Variants in FAT2 observed in about 807,000 individuals in gnomAD.
FAT2 encodes protocadherin Fat 2.
Under a neutral mutation model 295.3 loss-of-function variants are expected in FAT2, and 150 were observed. The ratio of observed to expected loss-of-function variants is 0.51; its 90% CI spans 0.44 to 0.58. The LOEUF is 0.58. FAT2 is among the 20% of genes least tolerant of loss of function. The pLI is 0.00. For synonymous variants in FAT2, 2,026 were observed against 2,150.3 expected (o/e 0.94, Z 1.60); for missense variants, 4,868 against 5,442.7 (o/e 0.89, Z 3.32).
intron 13 of FAT2, 80 bp from the exon 14 acceptor site, chr5:151,532,050 G>T: frequency 6.4e-7 from 1 of 1,550,642 alleles, no homozygotes; most frequent in South Asian, 1.2e-5. Flanking sequence ...GCAGCCACAG[G>T]AGGGGCTGGG....
At chr5:151,509,758 G>A (rs1173609795) in intron 22 of FAT2, 4 of 384,134 alleles carry the variant, frequency 1.0e-5, no homozygotes, top group Non-Finnish European at 1.9e-5. Flanking sequence ...TAGAAATAAA[G>A]TGTGCAATAA....
chr5:151,529,548 C>T (rs1267189350), intron 14 of FAT2, among the ~76,000 whole-genome samples, 156 bp from the exon 15 acceptor site: 2 of 151,618 alleles, frequency 1.3e-5, no homozygotes, highest in African/African-American at 4.8e-5. Flanking sequence ...TTTGCTATCC[C>T]CTTGACCCCC....
intron 1 of FAT2, among the ~76,000 whole-genome samples, chr5:151,585,378 A>G (rs2127663287): frequency 6.6e-6 from 1 of 152,344 alleles, no homozygotes; most frequent in Non-Finnish European, 1.5e-5. Context: ...TTGGGAGGCC[A>G]AGGCAGGTTG....
At position 151,544,614 on chromosome 5, in the gene FAT2, A is replaced by G; in HGVS notation, c.6513T>C (p.Phe2171=). 6.2e-7 allele frequency: 1 copy of G among 1,614,136 alleles called. No individual in the cohort carries two copies. Among genetic ancestry groups the G allele is most frequent in the African/African-American group, 1.3e-5 (1 of 75,030 alleles). The change falls in exon 10 of 24, where the codon TTT becomes TTC. Residue 2171 remains phenylalanine, a synonymous_variant. Transcript: ENST00000261800. The part of the protein sequence containing the change: ...VTVRNKSNPL[F]QSPYYKVRVP... ...CTCTGACTTTGTAATAAGGACTCTG[A>G]AACAGTGGGTTGGATTTATTTCTCA...
chr5:151,592,861 G>T (rs1759466127), upstream of FAT2, among the ~76,000 whole-genome samples: 1 of 152,180 alleles, frequency 6.6e-6, no homozygotes, highest in South Asian at 2.1e-4. Context: ...TGGTCTTGTT[G>T]CTTATACAGG....
At position 151,527,245 on chromosome 5, in the gene FAT2, T is replaced by C; in HGVS notation, c.10297A>G (p.Thr3433Ala). The change falls in exon 17 of 24, where the codon ACC becomes GCC. Residue 3433 changes from threonine (T) to alanine (A), a missense_variant. This residue lies in a region of FAT2 where 1,046 missense variants were observed against 1,210.1 expected (regional missense o/e 0.86). Coordinates refer to ENST00000261800, the MANE Select transcript of FAT2 (RefSeq NM_001447.3). ...PPRFFQLNYS[T>A]TVQENSPIGS... ...AGGCTCAAGCTTACCTGGACAGTGG[T>C]GCTGTAGTTGAGCTGGAAGAATCTC... 6.2e-7 allele frequency: 1 copy of C among 1,610,354 alleles called. No homozygotes were observed. The highest frequency in any genetic ancestry group is 8.5e-7 in the Non-Finnish European group (1 of 1,177,804).
At chr5:151,527,205 C>T (rs1754105835) in intron 17 of FAT2, 29 bp downstream of exon 17, 1 of 1,577,756 alleles carries the variant, frequency 6.3e-7, no homozygotes. Context: ...GGAGGAAGGG[C>T]TCAGGGTGCC....
intron 1 of FAT2, among the ~76,000 whole-genome samples, chr5:151,578,252 G>A (rs953093520): frequency 1.3e-5 from 2 of 152,194 alleles, no homozygotes; most frequent in Admixed American, 6.5e-5. Flanking sequence ...GCCTCGTTTT[G>A]TGGGGTTGCT....
At position 151,525,870 on chromosome 5, in the gene FAT2, C is replaced by T. The variant is rs145842912; in HGVS notation, c.10404G>A (p.Lys3468=). The change falls in exon 18 of 24, where the codon AAG becomes AAA. Residue 3468 remains lysine (K), a synonymous_variant. Transcript: ENST00000261800. ...NGPPYSFRIT[K]GNNGSAFRVT... Reference sequence around the variant, plus strand: ...CTCGGAAGGCAGAGCCGTTGTTCCCCTTGGTGATTCGAAACGAGTAGGGGG... The same window carrying T: ...CTCGGAAGGCAGAGCCGTTGTTCCCTTTGGTGATTCGAAACGAGTAGGGGG... The T allele has an allele frequency of 1.2e-6, 2 of 1,614,102 alleles. No homozygotes were observed. The highest frequency in any genetic ancestry group is 1.7e-6 in the Non-Finnish European group (2 of 1,179,986).
In FAT2 at chr5:151,521,642, G is replaced by A. The variant is rs1006488938; in HGVS notation, c.10951C>T (p.Leu3651=). Residue 3651 remains leucine (L), a synonymous_variant, in exon 19 of 24, where the codon CTG becomes TTG. Transcript: ENST00000261800. Reference sequence around the variant, plus strand: ...AGCTTATGGCTGAGGAACCTCTGCAGGTTCCGCCAGTGGTCACTCACCAGC... The same window carrying A: ...AGCTTATGGCTGAGGAACCTCTGCAAGTTCCGCCAGTGGTCACTCACCAGC... ...EELVSDHWRN[L]QRFLSHKLDI... The A allele has an allele frequency of 1.2e-5, 19 of 1,613,986 alleles. No individual in the cohort carries two copies. The highest frequency in any genetic ancestry group is 1.4e-5 in the Non-Finnish European group (16 of 1,180,040).
At chr5:151,584,598 A>G (rs1400568256) in intron 1 of FAT2, among the ~76,000 whole-genome samples, 1 of 152,204 alleles carries the variant, frequency 6.6e-6, no homozygotes, top group Non-Finnish European at 1.5e-5. Flanking sequence ...CCAGTATAAT[A>G]GTAACGTTGA....
chr5:151,593,207 A>G (rs1266024534), upstream of FAT2, among the ~76,000 whole-genome samples: 1 of 152,202 alleles, frequency 6.6e-6, no homozygotes, highest in Non-Finnish European at 1.5e-5. Context: ...CAAGCCTCCA[A>G]GTTTGGTCCG....
chr5:151,581,907 T>TCCAGTCTTCCCTCTCATTC lies in FAT2; in HGVS notation c.-21+9239_-21+9257dup, dbSNP rs1298158471. Among the ~76,000 whole-genome samples, 8 of 152,362 alleles carry TCCAGTCTTCCCTCTCATTC rather than the reference T, an allele frequency of 5.3e-5. No homozygotes were observed. In the East Asian group the frequency reaches 1.5e-3, roughly 29 times the overall value. ...ACAGATTCTCAGCATAGGTTTCATT[T>TCCAGTCTTCCCTCTCATTC]CCAGTCTTCCCTCTCATTCCCATTT... On this transcript the variant is annotated intron_variant, in intron 1 of 23. Coordinates refer to ENST00000261800, the MANE Select transcript of FAT2 (RefSeq NM_001447.3).
At chr5:151,550,462 A>G in intron 8 of FAT2, 128 bp downstream of exon 8, 1 of 1,089,638 alleles carries the variant, frequency 9.2e-7, no homozygotes. Context: ...CAGCTGTGAA[A>G]TGTCACAACT....
chr5:151,566,955 C>A lies in FAT2; in HGVS notation c.1977G>T (p.Val659=), dbSNP rs753236204. The A allele has an allele frequency of 3.1e-6, 5 of 1,614,106 alleles. No individual in the cohort carries two copies. Among genetic ancestry groups the A allele is most frequent in the Non-Finnish European group, 3.4e-6 (4 of 1,179,982 alleles). ...ASPTTLNITV[V]KDPHFEVPVT... ...CAGGAACTTCAAAATGAGGGTCCTTCACCACAGTAATATTCAAAGTTGTGG... is the reference window on the plus strand; with the variant it reads ...CAGGAACTTCAAAATGAGGGTCCTTAACCACAGTAATATTCAAAGTTGTGG... Residue 659 remains valine (V), a synonymous_variant, in exon 2 of 24, where the codon GTG becomes GTT. Transcript: ENST00000261800.
At chr5:151,522,227 GAA>G (rs5872209) in intron 18 of FAT2, 141 bp from the exon 19 acceptor site, 1 of 498,424 alleles carries the variant, frequency 2.0e-6, no homozygotes, top group Non-Finnish European at 3.4e-6. Flanking sequence ...GTTGCATTTA[GAA>G]AAAAAAAACC....
At position 151,545,382 on chromosome 5, in the gene FAT2, AG is replaced by A; in HGVS notation, c.5744del (p.Ala1915ValfsTer14). On this transcript the variant is annotated frameshift_variant, in exon 10 of 24. Transcript: ENST00000261800. LOFTEE classifies it high-confidence loss of function. Reference sequence around the variant, plus strand: ...TACCAGTGACAGGATGGATGGTAACAGCTTCATCAGCATTGCCAGTTTTGAT... The same window carrying A: ...TACCAGTGACAGGATGGATGGTAACACTTCATCAGCATTGCCAGTTTTGAT... ...YSIKTGNADE[A>X]VTIHPVTGSI... The A allele has an allele frequency of 6.2e-7, 1 of 1,614,218 alleles. No individual in the cohort carries two copies. The highest frequency in any genetic ancestry group is 8.5e-7 in the Non-Finnish European group (1 of 1,180,038).
chr5:151,505,673 C>A lies in FAT2; in HGVS notation c.12942G>T (p.Val4314=), dbSNP rs1760782388. 1 of 1,614,008 alleles carries A rather than the reference C, an allele frequency of 6.2e-7. No individual in the cohort carries two copies. Among genetic ancestry groups the A allele is most frequent in the East Asian group, 2.2e-5 (1 of 44,878 alleles). Residue 4314 remains valine, a synonymous_variant, in exon 24 of 24, where the codon GTG becomes GTT. Coordinates refer to ENST00000261800, the MANE Select transcript of FAT2 (RefSeq NM_001447.3). ...RAGPSYAVCE[V]EGAPLAGQGQ... is the part of the protein sequence containing the mutation. ...CCTGGCCTGCAAGAGGTGCCCCCTC[C>A]ACCTCACAGACAGCATAAGAGGGCC...
chr5:151,524,197 T>G (rs1321116782), intron 18 of FAT2, among the ~76,000 whole-genome samples: 2 of 152,298 alleles, frequency 1.3e-5, no homozygotes, highest in East Asian at 1.9e-4. Context: ...TGTACTTAGA[T>G]TAGAATCTAA....
Sources: gnomAD v4.1 joint callset for allele counts (sites outside exome capture counted in the v4.1 genomes callset) on GRCh38, gnomAD v4.1.1 for gene constraint, gnomAD v4.1.1 regional missense constraint, MANE v1.5 for transcripts, NCBI Gene and HGNC (gene_info 2026-07-23, HGNC 2026-07-21) for gene names.